TTLL6: variants seen among roughly 807,000 people sequenced by gnomAD.
TTLL6 encodes tubulin tyrosine ligase like 6, also known as tubulin polyglutamylase TTLL6.
In TTLL6, 75 loss-of-function variants were observed where a neutral mutation model predicts 96.4. That is an observed-to-expected ratio of 0.78 (90% confidence interval 0.65 to 0.94). The LOEUF (loss-of-function observed/expected upper bound fraction) is 0.94. TTLL6 is among the 40% of genes least tolerant of loss of function. TTLL6 has a pLI of 0.00. For missense variants in TTLL6, 1,030 were observed against 1,093.0 expected (o/e 0.94, Z 0.81); for synonymous variants, 411 against 419.4 (o/e 0.98, Z 0.24).
Position 48,791,391 on chromosome 17 carries a change from G to T in TTLL6, c.1211C>A (p.Pro404His), listed in dbSNP as rs780211038. 1.2e-6 allele frequency: 2 copies of T among 1,613,974 alleles called. No homozygotes were observed. The highest frequency in any genetic ancestry group is 2.7e-5 in the African/African-American group (2 of 74,908). ...FDILLDHKLK[P>H]WLLEVNHSPS... ...AAACTTCCCTACCTCCAGCAGCCAGGGTTTGAGTTTGTGGTCCAACAAAAT... is the reference window on the plus strand; with the variant it reads ...AAACTTCCCTACCTCCAGCAGCCAGTGTTTGAGTTTGTGGTCCAACAAAAT... The change falls in exon 9 of 16, where the codon CCC (proline) becomes CAC (histidine). Residue 404 changes from proline to histidine, a missense_variant. Pro to His is a moderately conservative substitution (Grantham distance 77). Transcript: ENST00000393382.
chr17:48,799,851 T>G, intron 5 of TTLL6, 91 bp from the exon 6 acceptor site: 1 of 1,211,688 alleles, frequency 8.3e-7, no homozygotes, highest in South Asian at 1.5e-5. Context: ...AAAGAAAAGC[T>G]GTCTAATGTG....
Position 48,768,994 on chromosome 17 carries a change from T to C in TTLL6, c.2671A>G (p.Ser891Gly). ...LISGQKGCER[S>G] ...GGGAATATGTGTGGGCCTACCTAGC[T>C]CCTCTCACATCCTTTTTGGCCAGAG... Residue 891 changes from serine to glycine, a missense_variant, in exon 15 of 16, where the codon AGC becomes GGC. Ser to Gly is a moderately conservative substitution (Grantham distance 56, BLOSUM62 0). Transcript: ENST00000393382. The C allele has an allele frequency of 6.2e-7, 1 of 1,613,832 alleles. No homozygotes were observed. The highest frequency in any genetic ancestry group is 1.1e-5 in the South Asian group (1 of 91,050).
At chr17:48,794,302 T>C (rs750707887) in intron 8 of TTLL6, 29 of 1,612,644 alleles carry the variant, frequency 1.8e-5, no homozygotes, top group Non-Finnish European at 2.4e-5. Flanking sequence ...AATGAGAACC[T>C]TTCCATTCTG....
At chr17:48,774,108 A>AAAAAAC (rs2038814796) in intron 13 of TTLL6, among the ~76,000 whole-genome samples, 3 of 130,490 alleles carry the variant, frequency 2.3e-5, no homozygotes, top group Admixed American at 8.8e-5. Flanking sequence ...AAAAAAAAAA[A>AAAAAAC]AAAACAAGAA....
chr17:48,788,894 G>A (rs532335550), intron 10 of TTLL6, among the ~76,000 whole-genome samples: 1 of 152,122 alleles, frequency 6.6e-6, no homozygotes, highest in Non-Finnish European at 1.5e-5. Context: ...CAACCCCAAA[G>A]GATTAGACTG....
Position 48,801,347 on chromosome 17 carries a change from C to G in TTLL6, c.519G>C (p.Arg173=). 6.4e-7 allele frequency: 1 copy of G among 1,551,626 alleles called. No homozygotes were observed. The highest frequency in any genetic ancestry group is 8.7e-7 in the Non-Finnish European group (1 of 1,146,994). ...TCATGTTCCTGGCCAGCAAGTCCTT[C>G]CGGCAGATTTCACTCATCCCGGGGA... is the stretch of plus-strand genomic sequence containing the variant. ...NHFPGMSEIC[R]KDLLARNMSR... The change falls in exon 5 of 16, where the codon CGG becomes CGC. Residue 173 remains arginine, a synonymous_variant. Transcript: ENST00000393382.
chr17:48,802,447 C>T (rs1393835320), intron 3 of TTLL6, among the ~76,000 whole-genome samples: 3 of 152,200 alleles, frequency 2.0e-5, no homozygotes, highest in Non-Finnish European at 4.4e-5. Context: ...CTTTCTGTTC[C>T]TGTCAGGATT....
intron 13 of TTLL6, among the ~76,000 whole-genome samples, chr17:48,772,559 G>A (rs921851564): frequency 6.6e-5 from 10 of 151,656 alleles, no homozygotes; most frequent in Non-Finnish European, 1.5e-4. Flanking sequence ...GTGAAACCCC[G>A]TCTCTACCAA....
intron 8 of TTLL6, chr17:48,794,081 G>T: frequency 1.4e-6 from 2 of 1,473,408 alleles, no homozygotes; most frequent in Non-Finnish European, 1.8e-6. Flanking sequence ...GGCCACGGGG[G>T]CACACGGCTG....
chr17:48,782,846 C>A (rs768681663), intron 13 of TTLL6, among the ~76,000 whole-genome samples: 2 of 151,964 alleles, frequency 1.3e-5, no homozygotes, highest in Non-Finnish European at 2.9e-5. Context: ...CCCAAGTAGA[C>A]GGGATTGTAG....
In TTLL6 at chr17:48,769,222, G is replaced by A. The variant is rs201008851; in HGVS notation, c.2443C>T (p.Arg815Cys). Residue 815 changes from arginine (R) to cysteine (C), a missense_variant, in exon 15 of 16, where the codon CGC becomes TGC. Coordinates refer to ENST00000393382, the MANE Select transcript of TTLL6 (RefSeq NM_001130918.3). ...CTCTTCTCGCCAGAGCTGTCACTGC[G>A]GGAGTGGCACTCCCCAGGCAGGGAG... Reference protein sequence around the residue: ...NPSLPGECHSRSDSSGEKRQL... With the variant: ...NPSLPGECHSCSDSSGEKRQL... 345 of 1,610,336 alleles carry A rather than the reference G, an allele frequency of 2.1e-4. No homozygotes were observed. Among genetic ancestry groups the A allele is most frequent in the Non-Finnish European group, 2.8e-4 (324 of 1,177,192 alleles).
At chr17:48,810,598 A>G (rs534844192) in intron 1 of TTLL6, among the ~76,000 whole-genome samples, 9 of 152,082 alleles carry the variant, frequency 5.9e-5, no homozygotes, top group Admixed American at 5.9e-4. Context: ...CGGGAGGCCG[A>G]GGTAAGGGAA....
chr17:48,784,209 C>A (rs190047031), intron 13 of TTLL6, among the ~76,000 whole-genome samples: 1 of 152,142 alleles, frequency 6.6e-6, no homozygotes, highest in East Asian at 1.9e-4. Flanking sequence ...GAGTTCAAGA[C>A]CAGCCTGGGC....
intron 9 of TTLL6, among the ~76,000 whole-genome samples, chr17:48,790,436 A>C (rs540706229): frequency 2.6e-5 from 4 of 152,282 alleles, no homozygotes; most frequent in African/African-American, 9.6e-5. Flanking sequence ...TGGAAGGGGT[A>C]CTTCCCAAAG....
In TTLL6 at chr17:48,801,288, C is replaced by T. The variant is rs773011826; in HGVS notation, c.578G>A (p.Arg193His). ...RMLKMFPKDF[R>H]FFPRTWCLPA... ...AAGACACCAGGTCCTAGGGAAAAAG[C>T]GGAAATCTTTAGGGAACATCTTTAA... Residue 193 changes from arginine to histidine, a missense_variant, in exon 5 of 16, where the codon CGC (arginine) becomes CAC (histidine). Arg to His is a conservative substitution (Grantham distance 29). Coordinates refer to ENST00000393382, the MANE Select transcript of TTLL6 (RefSeq NM_001130918.3). The T allele has an allele frequency of 1.2e-5, 19 of 1,551,494 alleles. No homozygotes were observed. In the South Asian group the frequency reaches 1.3e-4, roughly 11 times the overall value.
chr17:48,790,309 T>C (rs1252390084), intron 9 of TTLL6, among the ~76,000 whole-genome samples: 2 of 152,236 alleles, frequency 1.3e-5, no homozygotes, highest in Non-Finnish European at 2.9e-5. Context: ...AACCAGCTTT[T>C]ATCTCAGGCC....
At chr17:48,779,639 C>T (rs918195754) in intron 13 of TTLL6, among the ~76,000 whole-genome samples, 5 of 151,886 alleles carry the variant, frequency 3.3e-5, no homozygotes, top group African/African-American at 1.2e-4. Flanking sequence ...AATAAACAAC[C>T]AAACAAACAA....
intron 13 of TTLL6, among the ~76,000 whole-genome samples, chr17:48,774,959 C>T (rs2038841722): frequency 6.6e-6 from 1 of 151,848 alleles, no homozygotes; most frequent in Non-Finnish European, 1.5e-5. Context: ...ATGGTGAAAC[C>T]CCACCTCTAC....
intron 13 of TTLL6, among the ~76,000 whole-genome samples, chr17:48,770,461 T>C (rs570619976): frequency 6.6e-6 from 1 of 151,726 alleles, no homozygotes; most frequent in South Asian, 2.1e-4. Flanking sequence ...AAACAGATTA[T>C]AAACAATAAA....
Sources: allele counts gnomAD v4.1 joint callset (sites outside exome capture counted in the v4.1 genomes callset), GRCh38; gene constraint gnomAD v4.1.1; transcripts MANE v1.5; gene names NCBI Gene and HGNC (gene_info 2026-07-23, HGNC 2026-07-21).